The following CWC27 variants were observed in gnomAD, a reference collection of about 807,000 sequenced individuals.
CWC27 encodes the protein spliceosome-associated protein CWC27 homolog.
CWC27 carries 47 observed loss-of-function variants against 63.6 expected under a neutral mutation model. The ratio of observed to expected loss-of-function variants is 0.74; its 90% CI spans 0.58 to 0.94. The LOEUF (loss-of-function observed/expected upper bound fraction) is 0.94, where lower values mean the gene tolerates loss of function less well. CWC27 is among the 40% of genes least tolerant of loss of function. The pLI is 0.00. For synonymous variants in CWC27, 175 were observed against 179.8 expected (o/e 0.97, Z 0.22); for missense variants, 495 against 554.3 (o/e 0.89, Z 1.07).
At chr5:64,940,842 C>CTTTTTTTTTTTTTTTTTTTT (rs70983655) in intron 11 of CWC27, among the ~76,000 whole-genome samples, 3 of 64,980 alleles carry the variant, frequency 4.6e-5, no homozygotes, top group Admixed American at 2.3e-4. Context: ...TTCTTTCTTT[C>CTTTTTTTTTTTTTTTTTTTT]TTTTTTTTTT....
chr5:64,802,531 G>A (rs1448604945), intron 9 of CWC27, among the ~76,000 whole-genome samples: 1 of 152,158 alleles, frequency 6.6e-6, no homozygotes, highest in Non-Finnish European at 1.5e-5. Flanking sequence ...ACAAATTAGA[G>A]GAAACAGACT....
At chr5:65,010,058 CTCAAA>C (rs1267516599) in intron 13 of CWC27, among the ~76,000 whole-genome samples, 2 of 152,132 alleles carry the variant, frequency 1.3e-5, no homozygotes, top group Non-Finnish European at 2.9e-5. Flanking sequence ...CTGAATGTAA[CTCAAA>C]TCAAACTCAG....
chr5:64,937,451 G>T (rs1487168466), intron 11 of CWC27, among the ~76,000 whole-genome samples: 2 of 152,186 alleles, frequency 1.3e-5, no homozygotes, highest in African/African-American at 2.4e-5. Flanking sequence ...ATTGCACTGT[G>T]CTCTGAGAGA....
At chr5:64,789,045 C>T (rs765541440) in intron 7 of CWC27, 25 bp downstream of exon 7, 1 of 1,533,874 alleles carries the variant, frequency 6.5e-7, no homozygotes, top group Non-Finnish European at 8.9e-7. Flanking sequence ...GCCCTTTGTT[C>T]TAACTTACAA....
chr5:64,892,857 T>TAA (rs768743169), intron 11 of CWC27, among the ~76,000 whole-genome samples: 1,522 of 145,256 alleles, frequency 0.01, 24 homozygotes, highest in Middle Eastern at 0.032. Context: ...TCTCGTTCTT[T>TAA]AAAAAAAAAA....
At chr5:64,804,526 C>CGA in intron 10 of CWC27, 140 bp downstream of exon 10, 1 of 861,174 alleles carries the variant, frequency 1.2e-6, no homozygotes, top group Non-Finnish European at 1.7e-6. Flanking sequence ...TACAAATTGG[C>CGA]CCATTAGCAG....
chr5:64,806,258 G>C (rs1012065958), intron 10 of CWC27, among the ~76,000 whole-genome samples: 1 of 152,114 alleles, frequency 6.6e-6, no homozygotes, highest in African/African-American at 2.4e-5. Flanking sequence ...TTATATTCAA[G>C]TGCATTGCAA....
rs74493183 is a variant in CWC27 at position 64,994,269 on chromosome 5, C to T, written c.1256+17031C>T. ...TTTCTCCCTTTCTCTTTTCAGTATA[C>T]TGTCAACATTTTTCACATTATTAAA... On this transcript the variant is annotated intron_variant, in intron 13 of 13. Coordinates refer to ENST00000381070, the MANE Select transcript of CWC27 (RefSeq NM_005869.4). Among the ~76,000 whole-genome samples the T allele has an allele frequency of 7.8e-3, 1,182 of 152,194 alleles. 17 individuals carry two copies. Among genetic ancestry groups the T allele is most frequent in the African/African-American group, 0.027 (1,130 of 41,520 alleles).
intron 10 of CWC27, among the ~76,000 whole-genome samples, chr5:64,851,313 C>A (rs1746128636): frequency 6.6e-6 from 1 of 152,118 alleles, no homozygotes; most frequent in Non-Finnish European, 1.5e-5. Flanking sequence ...AAGACAAATA[C>A]CCTGTGTTCT....
At chr5:64,940,842 CTTTTTTTT>C (rs70983655) in intron 11 of CWC27, among the ~76,000 whole-genome samples, 2 of 64,964 alleles carry the variant, frequency 3.1e-5, no homozygotes, top group Non-Finnish European at 5.8e-5. Context: ...TTCTTTCTTT[CTTTTTTTT>C]TTTTTTTTTT....
chr5:64,957,354 A>T (rs759619474), intron 11 of CWC27, among the ~76,000 whole-genome samples: 1 of 152,130 alleles, frequency 6.6e-6, no homozygotes, highest in Non-Finnish European at 1.5e-5. Flanking sequence ...GCAGGGCAAC[A>T]TGGAAATGTT....
At position 64,800,332 on chromosome 5, in the gene CWC27, G is replaced by C. The variant is rs1469997186; in HGVS notation, c.749+5G>C. 1 of 1,595,032 alleles carries C rather than the reference G, an allele frequency of 6.3e-7. No homozygotes were observed. Among genetic ancestry groups the C allele is most frequent in the Admixed American group, 1.7e-5 (1 of 59,064 alleles). On this transcript the variant is annotated splice_donor_5th_base_variant and intron_variant, in intron 8 of 13. Coordinates refer to ENST00000381070, the MANE Select transcript of CWC27 (RefSeq NM_005869.4). Reference sequence around the variant, plus strand: ...TTCTGTTCCAGTTGTAGAAAGGTTAGTCCATTGTTGGTATGATCCTAAGTT... The same window carrying C: ...TTCTGTTCCAGTTGTAGAAAGGTTACTCCATTGTTGGTATGATCCTAAGTT...
chr5:64,875,636 A>G (rs1746777250), intron 10 of CWC27, among the ~76,000 whole-genome samples: 1 of 152,256 alleles, frequency 6.6e-6, no homozygotes, highest in South Asian at 2.1e-4. Context: ...TGTAATTTTT[A>G]GTTTTTTTAA....
At chr5:64,845,964 C>A (rs1745967178) in intron 10 of CWC27, among the ~76,000 whole-genome samples, 1 of 152,164 alleles carries the variant, frequency 6.6e-6, no homozygotes, top group African/African-American at 2.4e-5. Flanking sequence ...AAAGACAAAA[C>A]ATTTTGAGAA....
chr5:64,885,854 A>G (rs1369669513), intron 11 of CWC27, among the ~76,000 whole-genome samples: 1 of 152,078 alleles, frequency 6.6e-6, no homozygotes, highest in Non-Finnish European at 1.5e-5. Context: ...AGTAACCTTC[A>G]TGAAAACTAA....
intron 10 of CWC27, chr5:64,845,090 C>G: frequency 2.2e-6 from 1 of 451,982 alleles, no homozygotes; most frequent in Non-Finnish European, 4.5e-6. Context: ...AGCCACTGAT[C>G]TCACCAGACA....
At chr5:64,947,409 G>A (rs1748611314) in intron 11 of CWC27, among the ~76,000 whole-genome samples, 1 of 152,092 alleles carries the variant, frequency 6.6e-6, no homozygotes, top group Admixed American at 6.6e-5. Context: ...ACTTGCCCAT[G>A]CATATATCAG....
At chr5:64,838,568 T>G (rs1008460986) in intron 10 of CWC27, among the ~76,000 whole-genome samples, 73 of 152,232 alleles carry the variant, frequency 4.8e-4, no homozygotes, top group African/African-American at 1.7e-3. Context: ...AAGGGAATGT[T>G]TATAATTACC....
intron 13 of CWC27, among the ~76,000 whole-genome samples, chr5:64,987,898 G>T (rs1157222901): frequency 6.6e-6 from 1 of 152,074 alleles, no homozygotes; most frequent in Non-Finnish European, 1.5e-5. Context: ...GCATGAGTAG[G>T]TATAGATTCC....
Sources: gnomAD v4.1 joint callset for allele counts (sites outside exome capture counted in the v4.1 genomes callset) on GRCh38, gnomAD v4.1.1 for gene constraint, MANE v1.5 for transcripts, NCBI Gene and HGNC (gene_info 2026-07-23, HGNC 2026-07-21) for gene names.